PCLO: variants seen among roughly 807,000 people sequenced by gnomAD.
PCLO encodes the protein protein piccolo.
PCLO carries 82 observed loss-of-function variants against 427.5 expected under a neutral mutation model. That is an observed-to-expected ratio of 0.19 (90% CI 0.16 to 0.23). PCLO has a LOEUF of 0.23. PCLO is among the 10% of genes least tolerant of loss of function. The pLI, the probability that PCLO is intolerant of heterozygous loss-of-function variation, is 1.00. For missense variants in PCLO, 6,239 were observed against 6,115.9 expected, an observed-to-expected ratio of 1.02 and a Z score of -0.67; for synonymous variants, 2,357 against 2,155.4, an observed-to-expected ratio of 1.09 and a Z score of -2.59.
At chr7:83,017,956 G>A (rs1228362834) in intron 3 of PCLO, 1 of 151,944 alleles carries the variant, frequency 6.6e-6, no homozygotes, top group Non-Finnish European at 1.5e-5. Context: ...AAGCAGGTTT[G>A]GGCCTGGTTA....
intron 6 of PCLO, among the ~76,000 whole-genome samples, chr7:82,929,592 G>C (rs1009361948): frequency 6.6e-6 from 1 of 151,994 alleles, no homozygotes; most frequent in Non-Finnish European, 1.5e-5. Context: ...TTAAAGATTT[G>C]GGGGAAGTAA....
At chr7:83,138,843 G>C (rs973826307) in intron 2 of PCLO, among the ~76,000 whole-genome samples, 1 of 151,784 alleles carries the variant, frequency 6.6e-6, no homozygotes, top group African/African-American at 2.4e-5. Context: ...GGGGAAATAG[G>C]GGGTGATAGC....
chr7:83,135,215 G>A lies in PCLO; in HGVS notation c.2335C>T (p.Pro779Ser). Reference sequence around the variant, plus strand: ...GCTTGTGACTGTACTTTGGAGCTTGGAATATCAGGTTTTGTTGTTGCTGAT... The same window carrying A: ...GCTTGTGACTGTACTTTGGAGCTTGAAATATCAGGTTTTGTTGTTGCTGAT... ...SSSATTKPDI[P>S]SSKVQSQAEE... is the part of the protein sequence containing the mutation. Residue 779 changes from proline to serine, a missense_variant, in exon 3 of 25, where the codon CCA (proline) becomes TCA (serine). By Grantham distance (74) the Pro-to-Ser change is moderately conservative. Coordinates refer to ENST00000333891, the MANE Select transcript of PCLO (RefSeq NM_033026.6). 6.2e-7 allele frequency: 1 copy of A among 1,613,870 alleles called. No individual in the cohort carries two copies. Among genetic ancestry groups the A allele is most frequent in the Non-Finnish European group, 8.5e-7 (1 of 1,179,880 alleles).
chr7:83,089,162 C>T (rs956818704), intron 3 of PCLO, among the ~76,000 whole-genome samples: 1 of 150,822 alleles, frequency 6.6e-6, no homozygotes, highest in Non-Finnish European at 1.5e-5. Context: ...CATACATACA[C>T]ACATATATGT....
chr7:82,799,210 C>T (rs905742510), intron 22 of PCLO, among the ~76,000 whole-genome samples: 9 of 152,088 alleles, frequency 5.9e-5, no homozygotes, highest in Non-Finnish European at 1.0e-4. Flanking sequence ...TAGACTAATA[C>T]GAAAATCAAT....
intron 18 of PCLO, 127 bp downstream of exon 18, chr7:82,826,462 A>T: frequency 1.7e-6 from 1 of 571,552 alleles, no homozygotes; most frequent in Non-Finnish European, 3.1e-6. Flanking sequence ...CAGGAAATAA[A>T]TTCTATCTGC....
chr7:82,777,466 A>G (rs1289961148), intron 22 of PCLO, among the ~76,000 whole-genome samples: 1 of 152,188 alleles, frequency 6.6e-6, no homozygotes, highest in East Asian at 1.9e-4. Context: ...AGCAAAAAGA[A>G]CAAAGTAGGA....
At chr7:82,854,262 T>C (rs992366375) in intron 10 of PCLO, among the ~76,000 whole-genome samples, 19 of 152,094 alleles carry the variant, frequency 1.2e-4, no homozygotes, top group Admixed American at 2.6e-4. Context: ...TTGGATTGGT[T>C]AACTCTGCAT....
At chr7:83,017,353 T>C (rs1336786598) in intron 3 of PCLO, among the ~76,000 whole-genome samples, 1 of 151,778 alleles carries the variant, frequency 6.6e-6, no homozygotes, top group African/African-American at 2.4e-5. Context: ...TTTACCAGGG[T>C]GTAATTGAAT....
chr7:82,924,775 C>T (rs1002662152), intron 6 of PCLO, among the ~76,000 whole-genome samples: 1 of 151,570 alleles, frequency 6.6e-6, no homozygotes, highest in African/African-American at 2.4e-5. Context: ...TTTTAAAATT[C>T]AAGAAACTCC....
intron 12 of PCLO, among the ~76,000 whole-genome samples, chr7:82,845,743 A>G (rs1197063565): frequency 1.3e-5 from 2 of 152,144 alleles, no homozygotes; most frequent in African/African-American, 4.8e-5. Context: ...TGTTTTTAAT[A>G]TTTTACATAA....
chr7:83,043,610 T>C (rs1789024653), intron 3 of PCLO, among the ~76,000 whole-genome samples: 1 of 152,186 alleles, frequency 6.6e-6, no homozygotes. Flanking sequence ...AGAACTCAAG[T>C]GGCGTTAGTT....
chr7:82,923,796 C>T (rs1000509219), intron 6 of PCLO, among the ~76,000 whole-genome samples: 1 of 152,032 alleles, frequency 6.6e-6, no homozygotes, highest in Non-Finnish European at 1.5e-5. Context: ...GATTCATGTA[C>T]CAACCATGGC....
In PCLO at chr7:83,085,653, T is replaced by C. The variant is rs192357095; in HGVS notation, c.3300+48597A>G. Among the ~76,000 whole-genome samples, 22 of 152,336 alleles carry C rather than the reference T, an allele frequency of 1.4e-4. No individual in the cohort carries two copies. The East Asian group carries it at 3.7e-3, about 25-fold the overall frequency. On this transcript the variant is annotated intron_variant, in intron 3 of 24. Transcript: ENST00000333891. ...AGGACTGCTATCATGCCGTTGGGTC[T>C]AATGTTTGAAAAATTCAGTTTCCTT... is the stretch of plus-strand genomic sequence containing the variant.
chr7:82,917,660 CT>C (rs1274779399), intron 6 of PCLO, among the ~76,000 whole-genome samples: 4 of 151,992 alleles, frequency 2.6e-5, no homozygotes, highest in African/African-American at 4.8e-5. Context: ...TTAAAATAAA[CT>C]GATGTACTTC....
intron 20 of PCLO, among the ~76,000 whole-genome samples, chr7:82,816,838 T>C (rs1023249565): frequency 2.0e-5 from 3 of 152,096 alleles, no homozygotes; most frequent in African/African-American, 7.2e-5. Flanking sequence ...TGGCTACTAC[T>C]GGAAAAGAAC....
chr7:83,070,467 A>G (rs1789784666), intron 3 of PCLO, among the ~76,000 whole-genome samples: 1 of 150,248 alleles, frequency 6.7e-6, no homozygotes, highest in Admixed American at 6.7e-5. Flanking sequence ...AGCTCAGTGC[A>G]AGCTCTGCCT....
chr7:82,771,044 C>T (rs1023154459), intron 22 of PCLO, among the ~76,000 whole-genome samples: 1 of 151,530 alleles, frequency 6.6e-6, no homozygotes, highest in African/African-American at 2.4e-5. Flanking sequence ...TCCTAGTTAC[C>T]GTGTGTTTGA....
chr7:82,794,459 C>CTTTTTTTTTTTTT (rs778108792), intron 22 of PCLO, among the ~76,000 whole-genome samples: 575 of 56,334 alleles, frequency 0.01, 209 homozygotes, highest in Non-Finnish European at 0.019. Context: ...AATTTTTTTT[C>CTTTTTTTTTTTTT]TTTTTTTTTT....
Sources: allele counts gnomAD v4.1 joint callset (sites outside exome capture counted in the v4.1 genomes callset), GRCh38; gene constraint gnomAD v4.1.1; transcripts MANE v1.5; gene names NCBI Gene and HGNC (gene_info 2026-07-23, HGNC 2026-07-21).